SRD5A2: variants seen among roughly 807,000 people sequenced by gnomAD.
SRD5A2 encodes steroid 5 alpha-reductase 2, also known as 3-oxo-5-alpha-steroid 4-dehydrogenase 2.
In SRD5A2, 30 loss-of-function variants were observed where a neutral mutation model predicts 27.4. That is an observed-to-expected ratio of 1.10 (90% CI 0.82 to 1.49). SRD5A2 has a LOEUF of 1.49. SRD5A2 is among the 40% of genes most tolerant of loss of function. SRD5A2 has a pLI of 0.00. For synonymous variants in SRD5A2, 141 were observed against 133.6 expected, an observed-to-expected ratio of 1.06 and a Z score of -0.38; for missense variants, 348 against 323.4, an observed-to-expected ratio of 1.08 and a Z score of -0.58.
chr2:31,612,177 A>C, the SRD5A2 span, among the ~76,000 whole-genome samples: 1 of 152,072 alleles, frequency 6.6e-6, no homozygotes, highest in East Asian at 1.9e-4. Context: ...GTTACATGGG[A>C]GGTTGAGGCA....
chr2:31,653,313 T>A, the SRD5A2 span, among the ~76,000 whole-genome samples: 1 of 152,144 alleles, frequency 6.6e-6, no homozygotes, highest in African/African-American at 2.4e-5. Flanking sequence ...AGCCAAAAAG[T>A]GTCCCTCCAT....
the SRD5A2 span, among the ~76,000 whole-genome samples, chr2:31,659,102 G>A: frequency 6.6e-6 from 1 of 151,442 alleles, no homozygotes; most frequent in Non-Finnish European, 1.5e-5. Flanking sequence ...AGAACTAGAT[G>A]CAGAAAACGC....
At chr2:31,611,481 A>G in the SRD5A2 span, among the ~76,000 whole-genome samples, 1 of 152,228 alleles carries the variant, frequency 6.6e-6, no homozygotes, top group East Asian at 1.9e-4. Context: ...TACATAAAGA[A>G]TGCTTACAAA....
the SRD5A2 span, among the ~76,000 whole-genome samples, chr2:31,604,849 C>G: frequency 1.3e-5 from 2 of 151,914 alleles, no homozygotes; most frequent in Admixed American, 1.3e-4. Context: ...ATAGCCAAAG[C>G]TATCCTAAGC....
At chr2:31,579,998 G>A (rs1048786982) in intron 1 of SRD5A2, among the ~76,000 whole-genome samples, 10 of 152,160 alleles carry the variant, frequency 6.6e-5, no homozygotes, top group African/African-American at 2.2e-4. Flanking sequence ...CTAAGAAGCG[G>A]GGACCCTCGC....
At chr2:31,614,148 A>G in the SRD5A2 span, among the ~76,000 whole-genome samples, 1 of 152,206 alleles carries the variant, frequency 6.6e-6, no homozygotes, top group Non-Finnish European at 1.5e-5. Context: ...CCACAGTCCA[A>G]AGTCTTATCT....
At chr2:31,598,773 A>T in the SRD5A2 span, among the ~76,000 whole-genome samples, 6 of 152,028 alleles carry the variant, frequency 3.9e-5, no homozygotes, top group African/African-American at 1.4e-4. Context: ...AGAACACAAA[A>T]CAAACAGGAA....
At chr2:31,596,463 T>C in the SRD5A2 span, among the ~76,000 whole-genome samples, 1 of 151,574 alleles carries the variant, frequency 6.6e-6, no homozygotes, top group African/African-American at 2.4e-5. Context: ...CCACTTCTAT[T>C]TAACATAGTA....
At chr2:31,644,396 G>A in the SRD5A2 span, among the ~76,000 whole-genome samples, 2 of 152,170 alleles carry the variant, frequency 1.3e-5, no homozygotes, top group Non-Finnish European at 2.9e-5. Context: ...CCTATAAAGC[G>A]TTGGTCCTCA....
chr2:31,595,817 C>G, the SRD5A2 span, among the ~76,000 whole-genome samples: 2 of 152,188 alleles, frequency 1.3e-5, no homozygotes, highest in Admixed American at 6.5e-5. Flanking sequence ...AAAATACTAG[C>G]CAACAGAATC....
the SRD5A2 span, among the ~76,000 whole-genome samples, chr2:31,644,761 C>CTATAAAT: frequency 6.6e-6 from 1 of 152,112 alleles, no homozygotes; most frequent in African/African-American, 2.4e-5. Context: ...TCATCATAAT[C>CTATAAAT]CATAAATGTT....
chr2:31,645,191 G>C, the SRD5A2 span, among the ~76,000 whole-genome samples: 418 of 152,208 alleles, frequency 2.7e-3, 3 homozygotes, highest in African/African-American at 9.7e-3. Flanking sequence ...TATCTGGTGG[G>C]AAGGTTAATG....
At chr2:31,597,349 G>A in the SRD5A2 span, among the ~76,000 whole-genome samples, 2 of 151,424 alleles carry the variant, frequency 1.3e-5, no homozygotes, top group South Asian at 4.2e-4. Context: ...TTAATTCAAA[G>A]ATCAGAAACC....
the SRD5A2 span, among the ~76,000 whole-genome samples, chr2:31,634,848 C>T: frequency 1.3e-5 from 2 of 152,094 alleles, no homozygotes; most frequent in Admixed American, 1.3e-4. Context: ...ATCCATGTTA[C>T]TACAGATGAC....
the SRD5A2 span, among the ~76,000 whole-genome samples, chr2:31,628,001 G>C: frequency 2.0e-5 from 3 of 152,146 alleles, no homozygotes; most frequent in Non-Finnish European, 4.4e-5. Flanking sequence ...ATTTGGTCAA[G>C]TGTTGAATTT....
Position 31,529,220 on chromosome 2 carries a change from G to A in SRD5A2, c.698+87C>T, listed in dbSNP as rs1488662280. On this transcript the variant is annotated intron_variant, in intron 4 of 4. Coordinates refer to ENST00000622030, the MANE Select transcript of SRD5A2 (RefSeq NM_000348.4). ...TCCCTTAAAAAATTAAATATCTTCG[G>A]TTTCTCAATCTTCCTCTGCGGGTTA... is the stretch of plus-strand genomic sequence containing the variant. 5.2e-6 allele frequency: 8 copies of A among 1,533,398 alleles called. No homozygotes were observed. In the East Asian group the frequency reaches 1.1e-4, roughly 22 times the overall value. The allele number at this position is 1,533,398 out of a possible 1,614,324, so 95.0% of individuals were successfully genotyped here.
At chr2:31,587,804 C>A in the SRD5A2 span, among the ~76,000 whole-genome samples, 1 of 152,012 alleles carries the variant, frequency 6.6e-6, no homozygotes, top group Non-Finnish European at 1.5e-5. Flanking sequence ...GCATGTGGGG[C>A]TTAAAACCTA....
At position 31,580,348 on chromosome 2, in the gene SRD5A2, T is replaced by A. The variant is rs374343694; in HGVS notation, c.281+272A>T. The stretch of plus-strand genomic sequence containing the variant: ...CTCCCGCCCGCAGGACCTCTTTCTC[T>A]CGAGCAGCCAGAGGATTTGGAGCTG... On this transcript the variant is annotated intron_variant, in intron 1 of 4. Coordinates refer to ENST00000622030, the MANE Select transcript of SRD5A2 (RefSeq NM_000348.4). Among the ~76,000 whole-genome samples, 4 of 152,090 alleles carry A rather than the reference T, an allele frequency of 2.6e-5. No individual in the cohort carries two copies. In the East Asian group the frequency reaches 5.8e-4, roughly 22 times the overall value.
At chr2:31,602,436 C>T in the SRD5A2 span, among the ~76,000 whole-genome samples, 21 of 151,840 alleles carry the variant, frequency 1.4e-4, no homozygotes, top group Non-Finnish European at 2.1e-4. Context: ...AAGCATTCCA[C>T]GCTCATGGAT....
Sources: gnomAD v4.1 joint callset for allele counts (sites outside exome capture counted in the v4.1 genomes callset) on GRCh38, gnomAD v4.1.1 for gene constraint, MANE v1.5 for transcripts, NCBI Gene and HGNC (gene_info 2026-07-23, HGNC 2026-07-21) for gene names.